TRIP6: variants seen among roughly 807,000 people sequenced by gnomAD.
TRIP6 encodes thyroid hormone receptor interactor 6.
A neutral mutation model predicts 51.9 loss-of-function variants in TRIP6; 33 were observed. The ratio of observed to expected loss-of-function variants is 0.64; its 90% CI spans 0.48 to 0.85. The LOEUF (loss-of-function observed/expected upper bound fraction) is 0.85, where lower values mean the gene tolerates loss of function less well. Ranked by LOEUF, TRIP6 falls within the 40% of genes least tolerant of loss-of-function variation. TRIP6 has a pLI of 0.00. For missense variants in TRIP6, 661 were observed against 652.1 expected, an observed-to-expected ratio of 1.01 and a Z score of -0.15; for synonymous variants, 255 against 275.8, an observed-to-expected ratio of 0.92 and a Z score of 0.75.
At position 100,868,195 on chromosome 7, in the gene TRIP6, G is replaced by A. The variant is rs951221420; in HGVS notation, c.325G>A (p.Gly109Arg). ...GAGCAGCACGCTGGCCGAGCTGAAT[G>A]GGGGTCGGGGTCATGCGTCACGGCG... ...LLSSTLAELN[G>R]GRGHASRRPD... The change falls in exon 3 of 9, where the codon GGG becomes AGG. Residue 109 changes from glycine (G) to arginine (R), a missense_variant. By Grantham distance (125) the Gly-to-Arg change is moderately radical. Coordinates refer to ENST00000200457, the MANE Select transcript of TRIP6 (RefSeq NM_003302.3). The A allele has an allele frequency of 1.9e-6, 3 of 1,609,850 alleles. No homozygotes were observed. The African/African-American group carries it at 4.0e-5, about 22-fold the overall frequency.
At position 100,868,833 on chromosome 7, in the gene TRIP6, A is replaced by C. The variant is rs1344864313; in HGVS notation, c.702A>C (p.Ala234=). 3 of 1,515,798 alleles carry C rather than the reference A, an allele frequency of 2.0e-6. No homozygotes were observed. The African/African-American group carries it at 4.2e-5, about 21-fold the overall frequency. The allele number at this position is 1,515,798 out of a possible 1,614,324, so 93.9% of individuals were successfully genotyped here. The change falls in exon 4 of 9, where the codon GCA becomes GCC. Residue 234 remains alanine (A), a synonymous_variant. Coordinates refer to ENST00000200457, the MANE Select transcript of TRIP6 (RefSeq NM_003302.3). The stretch of plus-strand genomic sequence containing the variant: ...AAGCTGCTGGGGTCTCTGGCCCTGC[A>C]GGAAGAGGAAGAGGAGGCGAGCACG... ...KEEAAGVSGP[A]GRGRGGEHGP...
intron 7 of TRIP6, among the ~76,000 whole-genome samples, chr7:100,872,046 A>C (rs1584719966): frequency 1.6e-5 from 2 of 126,134 alleles, no homozygotes; most frequent in African/African-American, 6.2e-5. Context: ...ATGGAGTCTC[A>C]CTCTGTCACC....
Position 100,867,558 on chromosome 7 carries a change from AG to A in TRIP6, c.64del (p.Ala22ArgfsTer76). On this transcript the variant is annotated frameshift_variant, in exon 1 of 9. Coordinates refer to ENST00000200457, the MANE Select transcript of TRIP6 (RefSeq NM_003302.3). LOFTEE classifies it high-confidence loss of function. The surrounding 1 kb of genome is among the most constrained non-coding windows in gnomAD (Gnocchi z 5.4). ...GGAGCCCGCCAGAGCCCCTCAGGGG[AG>A]GGCGATCCCCCGCGGCACCCCGGGG... ...QPEPARAPQG[R>X]AIPRGTPGPP... is the part of the protein sequence containing the mutation. 1 of 1,539,906 alleles carries A rather than the reference AG, an allele frequency of 6.5e-7. No homozygotes were observed.
intron 6 of TRIP6, 91 bp downstream of exon 6, chr7:100,870,834 A>AG: frequency 6.8e-7 from 1 of 1,479,792 alleles, no homozygotes; most frequent in South Asian, 1.3e-5. Context: ...AGACCAAAGG[A>AG]GGAACGGTGC....
intron 6 of TRIP6, 40 bp from the exon 7 acceptor site, chr7:100,871,502 TC>T (rs763789119): frequency 6.2e-7 from 1 of 1,601,982 alleles, no homozygotes; most frequent in Middle Eastern, 2.1e-4. Context: ...CTGCCATGGC[TC>T]CCGCCCGCTC....
chr7:100,872,913 C>A (rs1815303465), intron 8 of TRIP6, 169 bp downstream of exon 8: 5 of 1,212,878 alleles, frequency 4.1e-6, no homozygotes, highest in Middle Eastern at 3.0e-4. Flanking sequence ...TGCAGTGGCA[C>A]AATCTTGGCT....
rs760154234 is a variant in TRIP6 at position 100,870,693 on chromosome 7, C to A, written c.949C>A (p.Gln317Lys). 2 of 1,614,088 alleles carry A rather than the reference C, an allele frequency of 1.2e-6. No individual in the cohort carries two copies. Among genetic ancestry groups the A allele is most frequent in the Non-Finnish European group, 1.7e-6 (2 of 1,179,992 alleles). ...TACATGCCGGGCCCAGCTTCGCGGC[C>A]AGCATTTCTACGCCGTGGAGAGGAG... ...CSTCRAQLRG[Q>K]HFYAVERRAY... is the part of the protein sequence containing the mutation. Residue 317 changes from glutamine (Q) to lysine (K), a missense_variant, in exon 6 of 9, where the codon CAG (glutamine) becomes AAG (lysine). Transcript: ENST00000200457.
chr7:100,868,356 C>G (rs1815192231), intron 3 of TRIP6, 123 bp downstream of exon 3: 1 of 1,567,650 alleles, frequency 6.4e-7, no homozygotes, highest in Non-Finnish European at 8.7e-7. Context: ...GCTGCAAGTA[C>G]CAACATGTCA....
chr7:100,872,435 G>A (rs149958899), intron 7 of TRIP6, among the ~76,000 whole-genome samples, 189 bp from the exon 8 acceptor site: 3 of 151,990 alleles, frequency 2.0e-5, no homozygotes, highest in African/African-American at 4.8e-5. Context: ...TCCCAAAGTC[G>A]GGGGATTGCA....
At chr7:100,872,058 A>G (rs1419791264) in intron 7 of TRIP6, among the ~76,000 whole-genome samples, 1 of 133,002 alleles carries the variant, frequency 7.5e-6, no homozygotes, top group Non-Finnish European at 1.5e-5. Flanking sequence ...TCTGTCACCC[A>G]GGCTGGAGTG....
chr7:100,870,613 G>T lies in TRIP6; in HGVS notation c.869G>T (p.Gly290Val). ...GGCGEDVVGDGAGVVALDRVF... is the reference protein window; with the variant it reads ...GGCGEDVVGDVAGVVALDRVF... ...TGCGGAGAAGATGTGGTTGGGGATG[G>T]GGCTGGGGTTGTGGCCCTTGATCGC... Residue 290 changes from glycine to valine, a missense_variant, in exon 6 of 9, where the codon GGG becomes GTG. By Grantham distance (109) the Gly-to-Val change is moderately radical. Transcript: ENST00000200457. 1 of 1,614,246 alleles carries T rather than the reference G, an allele frequency of 6.2e-7. No homozygotes were observed. Among genetic ancestry groups the T allele is most frequent in the Non-Finnish European group, 8.5e-7 (1 of 1,180,052 alleles).
rs765379269 is a variant in TRIP6 at position 100,870,541 on chromosome 7, G to C, written c.830-33G>C. ...GAGGGGACAGTGGCTTCCTGGGTCT[G>C]TGAAGACTGATGCTGTTTCTCCCTG... On this transcript the variant is annotated intron_variant, in intron 5 of 8. Transcript: ENST00000200457. 1.9e-5 allele frequency: 31 copies of C among 1,609,258 alleles called. No homozygotes were observed. In the South Asian group the frequency reaches 3.2e-4, roughly 17 times the overall value.
In TRIP6 at chr7:100,873,420, A is replaced by C; in HGVS notation, c.*117A>C. Reference sequence around the variant, plus strand: ...CCAAATGCTGTCTTCTCTTTCTCCAATCAAGAAATAATAATCCCTCGAGTT... The same window carrying C: ...CCAAATGCTGTCTTCTCTTTCTCCACTCAAGAAATAATAATCCCTCGAGTT... On this transcript the variant is annotated 3_prime_UTR_variant, in exon 9 of 9. Coordinates refer to ENST00000200457, the MANE Select transcript of TRIP6 (RefSeq NM_003302.3). 1 of 1,411,366 alleles carries C rather than the reference A, an allele frequency of 7.1e-7. No individual in the cohort carries two copies. 87.4% of individuals were successfully genotyped at this position (1,411,366 alleles called of 1,614,324 possible).
intron 7 of TRIP6, 59 bp from the exon 8 acceptor site, chr7:100,872,565 A>T: frequency 6.2e-7 from 1 of 1,603,542 alleles, no homozygotes; most frequent in Non-Finnish European, 8.5e-7. Flanking sequence ...TCTGGGTTCC[A>T]TTGTTGGTGC....
Position 100,873,339 on chromosome 7 carries a change from AGTTCCC to A in TRIP6, c.*37_*42del, listed in dbSNP as rs779308490. The A allele has an allele frequency of 7.6e-6, 12 of 1,576,630 alleles. No individual in the cohort carries two copies. The highest frequency in any genetic ancestry group is 1.0e-5 in the Non-Finnish European group (12 of 1,154,576). On this transcript the variant is annotated 3_prime_UTR_variant, in exon 9 of 9. Coordinates refer to ENST00000200457, the MANE Select transcript of TRIP6 (RefSeq NM_003302.3). ...AAGTACCTGCTGGGTTCTCAGTTCC[AGTTCCC>A]ATCCTTTGATTGATCACTCTCCCTG...
At chr7:100,872,946 G>A (rs1815303972) in intron 8 of TRIP6, 3 of 1,089,426 alleles carry the variant, frequency 2.8e-6, no homozygotes, top group Admixed American at 6.0e-5. Flanking sequence ...CACCTCCCGG[G>A]TTCAAGTGAT....
At chr7:100,872,956 T>C in intron 8 of TRIP6, 1 of 1,071,950 alleles carries the variant, frequency 9.3e-7, no homozygotes, top group Non-Finnish European at 1.3e-6. Context: ...GTTCAAGTGA[T>C]TCTCCTGCCT....
intron 7 of TRIP6, among the ~76,000 whole-genome samples, chr7:100,872,094 AACCTCCACC>A (rs1815286324): frequency 7.0e-6 from 1 of 143,044 alleles, no homozygotes; most frequent in Non-Finnish European, 1.5e-5. Context: ...AGCTCACTGC[AACCTCCACC>A]ACCTGGGTTC....
At chr7:100,871,976 C>T (rs1055350151) in intron 7 of TRIP6, among the ~76,000 whole-genome samples, 25 of 151,376 alleles carry the variant, frequency 1.7e-4, no homozygotes, top group Non-Finnish European at 1.6e-4. Context: ...GCTGGGACTA[C>T]GGGTGCACAC....
Sources: gnomAD v4.1 joint callset for allele counts (sites outside exome capture counted in the v4.1 genomes callset) on GRCh38, gnomAD v4.1.1 for gene constraint, Gnocchi (gnomAD v3.1) non-coding constraint, MANE v1.5 for transcripts, NCBI Gene and HGNC (gene_info 2026-07-23, HGNC 2026-07-21) for gene names.